Variants in NR3C1 observed in about 807,000 individuals in gnomAD.
NR3C1 encodes the protein glucocorticoid receptor.
A neutral mutation model predicts 74.0 loss-of-function variants in NR3C1; 14 were observed. That is an observed-to-expected ratio of 0.19 (90% CI 0.12 to 0.30). The LOEUF (loss-of-function observed/expected upper bound fraction) is 0.30, where lower values mean the gene tolerates loss of function less well. Ranked by LOEUF, NR3C1 falls within the 10% of genes least tolerant of loss-of-function variation. NR3C1 has a pLI of 1.00. For missense variants in NR3C1, 695 were observed against 909.8 expected (o/e 0.76, Z 3.04); for synonymous variants, 308 against 332.5 (o/e 0.93, Z 0.80).
chr5:143,283,627 G>T (rs1334680426), intron 7 of NR3C1, among the ~76,000 whole-genome samples: 1 of 152,152 alleles, frequency 6.6e-6, no homozygotes, highest in Non-Finnish European at 1.5e-5. Flanking sequence ...ATATGTCTTA[G>T]TAGGGAGCAA....
intron 2 of NR3C1, among the ~76,000 whole-genome samples, chr5:143,384,520 T>C (rs1260698025): frequency 6.6e-6 from 1 of 152,228 alleles, no homozygotes; most frequent in Non-Finnish European, 1.5e-5. Context: ...GATACAGGCA[T>C]TGGGTAAATT....
rs59144151 is a variant in NR3C1 at position 143,411,134 on chromosome 5, C to T, written c.-13-10282G>A. On this transcript the variant is annotated intron_variant, in intron 1 of 8. Coordinates refer to the NR3C1 transcript ENST00000343796. ...CATACCATACGATGGTATGATGCAG[C>T]GTATCCCTTCCTAACGCTGCATTCA... is the stretch of plus-strand genomic sequence containing the variant. Among the ~76,000 whole-genome samples, 243 of 152,272 alleles carry T rather than the reference C, an allele frequency of 1.6e-3. 1 individual carries two copies. Among genetic ancestry groups the T allele is most frequent in the Non-Finnish European group, 2.8e-3 (190 of 68,008 alleles).
At chr5:143,326,395 C>T (rs1824611605) in intron 2 of NR3C1, among the ~76,000 whole-genome samples, 1 of 152,172 alleles carries the variant, frequency 6.6e-6, no homozygotes, top group African/African-American at 2.4e-5. Context: ...TTAAGAGATA[C>T]AAAAGCATTC....
At chr5:143,362,534 G>A (rs529885451) in intron 2 of NR3C1, among the ~76,000 whole-genome samples, 6 of 151,676 alleles carry the variant, frequency 4.0e-5, no homozygotes, top group Non-Finnish European at 7.4e-5. Context: ...CTATTTTTTC[G>A]TATTTTTTAG....
In NR3C1 at chr5:143,300,362, T is replaced by C. The variant is rs72542749; in HGVS notation, c.1747+123A>G. 1.6e-3 allele frequency: 1,920 copies of C among 1,190,676 alleles called. 32 individuals carry two copies. Among genetic ancestry groups the C allele is most frequent in the Middle Eastern group, 5.0e-3 (25 of 5,012 alleles). The allele number at this position is 1,190,676 out of a possible 1,614,324, so 73.8% of individuals were successfully genotyped here. On this transcript the variant is annotated intron_variant, in intron 5 of 8. Coordinates refer to ENST00000394464, the MANE Select transcript of NR3C1 (RefSeq NM_000176.3). This position sits in a 1 kb window ranked among gnomAD's most constrained non-coding sequence, Gnocchi z 5.2. ...TGTATTCACCTGACTCTCCCCTTCA[T>C]AGTCCCCAGAACTAAGAGAAACAAG...
At chr5:143,382,475 T>A (rs1836432343) in intron 2 of NR3C1, among the ~76,000 whole-genome samples, 1 of 152,248 alleles carries the variant, frequency 6.6e-6, no homozygotes, top group Non-Finnish European at 1.5e-5. Flanking sequence ...AGGAGTTGTC[T>A]AATCTTAAAA....
At chr5:143,418,210 A>G (rs563281669) in intron 1 of NR3C1, among the ~76,000 whole-genome samples, 3 of 152,174 alleles carry the variant, frequency 2.0e-5, no homozygotes, top group African/African-American at 7.2e-5. Flanking sequence ...ATTGCTTGTC[A>G]TGTGTTAACT....
At chr5:143,315,431 C>T (rs1000526436) in intron 2 of NR3C1, among the ~76,000 whole-genome samples, 2 of 152,062 alleles carry the variant, frequency 1.3e-5, no homozygotes, top group Non-Finnish European at 2.9e-5. Flanking sequence ...CCTGTTGATT[C>T]TGGAATTCTA....
intron 1 of NR3C1, among the ~76,000 whole-genome samples, chr5:143,402,428 C>G (rs930655349): frequency 6.6e-6 from 1 of 152,220 alleles, no homozygotes; most frequent in Non-Finnish European, 1.5e-5. Flanking sequence ...GTCAAACTAG[C>G]ACTTGTAAAA....
chr5:143,330,382 A>C (rs1825720661), intron 2 of NR3C1, among the ~76,000 whole-genome samples: 1 of 152,226 alleles, frequency 6.6e-6, no homozygotes, highest in African/African-American at 2.4e-5. Context: ...TTATAAGCAA[A>C]ATAATAGTAA....
At chr5:143,288,118 A>ATT (rs869233990) in intron 7 of NR3C1, among the ~76,000 whole-genome samples, 26 of 141,324 alleles carry the variant, frequency 1.8e-4, no homozygotes, top group African/African-American at 2.8e-4. Flanking sequence ...AACAACTGGA[A>ATT]TTTTTTTTTT....
intron 2 of NR3C1, among the ~76,000 whole-genome samples, chr5:143,364,705 T>C (rs895612286): frequency 3.9e-5 from 6 of 152,112 alleles, no homozygotes; most frequent in Admixed American, 2.6e-4. Context: ...AAATTAGATT[T>C]TTTTTTTCCT....
intron 1 of NR3C1, among the ~76,000 whole-genome samples, chr5:143,420,165 T>C (rs1342286772): frequency 6.6e-6 from 1 of 152,198 alleles, no homozygotes; most frequent in Admixed American, 6.5e-5. Flanking sequence ...AGATTTCATA[T>C]TGTTCAAACA....
chr5:143,292,206 G>T (rs1212927419), intron 7 of NR3C1, among the ~76,000 whole-genome samples: 2 of 151,704 alleles, frequency 1.3e-5, no homozygotes, highest in East Asian at 3.9e-4. Flanking sequence ...TTGTTTTTGG[G>T]TTTCCTAAGA....
chr5:143,349,045 G>C (rs1194131129), intron 2 of NR3C1, among the ~76,000 whole-genome samples: 1 of 152,128 alleles, frequency 6.6e-6, no homozygotes, highest in Non-Finnish European at 1.5e-5. Context: ...GGATCAGAGA[G>C]AGAAGCCTCT....
At chr5:143,349,659 A>G (rs542426059) in intron 2 of NR3C1, among the ~76,000 whole-genome samples, 1 of 152,222 alleles carries the variant, frequency 6.6e-6, no homozygotes, top group East Asian at 1.9e-4. Context: ...CTTGAAACTT[A>G]CCCTCTTCCT....
At chr5:143,383,846 T>A (rs904040121) in intron 2 of NR3C1, among the ~76,000 whole-genome samples, 2 of 152,206 alleles carry the variant, frequency 1.3e-5, no homozygotes, top group African/African-American at 4.8e-5. Flanking sequence ...CTTGCCATAA[T>A]CCTCGAAAAA....
At chr5:143,384,730 G>T (rs1228570721) in intron 2 of NR3C1, among the ~76,000 whole-genome samples, 1 of 152,208 alleles carries the variant, frequency 6.6e-6, no homozygotes, top group Admixed American at 6.5e-5. Flanking sequence ...GCTCTGCTGG[G>T]TACAGACCCT....
intron 1 of NR3C1, chr5:143,434,529 T>C: frequency 6.1e-6 from 6 of 985,242 alleles, no homozygotes; most frequent in Non-Finnish European, 7.2e-6. Flanking sequence ...AAATATAACC[T>C]ACCTTCCTTC....
Sources: allele counts gnomAD v4.1 joint callset (sites outside exome capture counted in the v4.1 genomes callset), GRCh38; gene constraint gnomAD v4.1.1; non-coding constraint Gnocchi (gnomAD v3.1); transcripts MANE v1.5; gene names NCBI Gene and HGNC (gene_info 2026-07-23, HGNC 2026-07-21).